The following MICALL2 variants were observed in gnomAD, a reference collection of about 807,000 sequenced individuals.
The protein encoded by MICALL2 is MICAL-like protein 2.
In MICALL2, 111 loss-of-function variants were observed where a neutral mutation model predicts 91.1. That is an observed-to-expected ratio of 1.22 (90% CI 1.04 to 1.43). The LOEUF (loss-of-function observed/expected upper bound fraction) is 1.43. Among genes scored for constraint, MICALL2 ranks in the 40% most tolerant of loss-of-function variants. MICALL2 has a pLI of 0.00. For missense variants in MICALL2, 1,556 were observed against 1,236.0 expected (o/e 1.26, Z -3.88); for synonymous variants, 694 against 525.3 (o/e 1.32, Z -4.39).
rs139705092 is a variant in MICALL2 at position 1,442,386 on chromosome 7, C to A, written c.1517G>T (p.Arg506Leu). Residue 506 changes from arginine to leucine, a missense_variant, in exon 7 of 17, where the codon CGG (arginine) becomes CTG (leucine). Physicochemically the swap from Arg to Leu is moderately radical, Grantham distance 102. Coordinates refer to ENST00000297508, the MANE Select transcript of MICALL2 (RefSeq NM_182924.4). The stretch of plus-strand genomic sequence containing the variant: ...CATCCTCGAAGGGAGGCCAAGCACC[C>A]GGGGAGACGAGGACTGTAACGGCTT... ...LAKPLQSSSPRVLGLPSRMEP... is the reference protein window; with the variant it reads ...LAKPLQSSSPLVLGLPSRMEP... The A allele has an allele frequency of 3.7e-6, 6 of 1,608,676 alleles. No homozygotes were observed. The highest frequency in any genetic ancestry group is 5.1e-6 in the Non-Finnish European group (6 of 1,177,006).
chr7:1,440,589 A>G lies in MICALL2; in HGVS notation c.1805+2T>C. 1 of 1,611,850 alleles carries G rather than the reference A, an allele frequency of 6.2e-7. No individual in the cohort carries two copies. Among genetic ancestry groups the G allele is most frequent in the Non-Finnish European group, 8.5e-7 (1 of 1,179,542 alleles). On this transcript the variant is annotated splice_donor_variant, in intron 8 of 16. Coordinates refer to ENST00000297508, the MANE Select transcript of MICALL2 (RefSeq NM_182924.4). LOFTEE classifies it high-confidence loss of function. ...CCTGGGCCAGCCCCACCCATCCCTA[A>G]CCTCTCAGCTGGGCTTCTCCTGTCC...
At position 1,450,278 on chromosome 7, in the gene MICALL2, C is replaced by G; in HGVS notation, c.154G>C (p.Ala52Pro). The change falls in exon 2 of 17, where the codon GCT becomes CCT. Residue 52 changes from alanine to proline, a missense_variant. Coordinates refer to ENST00000297508, the MANE Select transcript of MICALL2 (RefSeq NM_182924.4). ...TCATAAATATTTTCCTTCTTGAGAGCACTGAAGTTTCTGGAAGATAAAAAC... is the reference window on the plus strand; with the variant it reads ...TCATAAATATTTTCCTTCTTGAGAGGACTGAAGTTTCTGGAAGATAAAAAC... ...RHRPDLINFS[A>P]LKKENIYENN... is the part of the protein sequence containing the mutation. The G allele has an allele frequency of 6.2e-7, 1 of 1,613,036 alleles. No homozygotes were observed.
chr7:1,442,126 G>A (rs1780311233), intron 7 of MICALL2, 66 bp downstream of exon 7: 6 of 1,552,588 alleles, frequency 3.9e-6, no homozygotes, highest in South Asian at 2.3e-5. Flanking sequence ...ACTGCAGAGT[G>A]CGGCCAGGGG....
intron 1 of MICALL2, among the ~76,000 whole-genome samples, chr7:1,456,047 C>T (rs1255374226): frequency 6.6e-6 from 1 of 151,872 alleles, no homozygotes; most frequent in African/African-American, 2.4e-5. Context: ...CCCCAGCCAC[C>T]ACCTCATCCA....
At chr7:1,443,040 G>A (rs1040264771) in intron 6 of MICALL2, among the ~76,000 whole-genome samples, 2 of 151,900 alleles carry the variant, frequency 1.3e-5, no homozygotes, top group African/African-American at 4.8e-5. Context: ...CTGAGGTGGG[G>A]GCACCAGGTG....
chr7:1,448,459 C>G (rs985271633), intron 3 of MICALL2, among the ~76,000 whole-genome samples, 161 bp downstream of exon 3: 11 of 151,606 alleles, frequency 7.3e-5, no homozygotes, highest in African/African-American at 2.7e-4. Context: ...ACCAAGGCCT[C>G]TTGCTGCTTC....
chr7:1,440,339 C>T lies in MICALL2; in HGVS notation c.1805+252G>A, dbSNP rs944245695. ...CACGGGACCCACACATGGGGAGACT[C>T]CACCCCAGCTGCAGGCATGGTGCGT... is the stretch of plus-strand genomic sequence containing the variant. On this transcript the variant is annotated intron_variant, in intron 8 of 16. Transcript: ENST00000297508. 15 of 619,656 alleles carry T rather than the reference C, an allele frequency of 2.4e-5. No homozygotes were observed. In the African/African-American group the frequency reaches 2.8e-4, roughly 11 times the overall value. The allele number at this position is 619,656 out of a possible 1,614,324, so 38.4% of individuals were successfully genotyped here. A position where few individuals can be genotyped will look rare whatever the true frequency, so the allele number is the denominator to read the frequency against.
chr7:1,439,646 G>A lies in MICALL2; in HGVS notation c.1966+279C>T, dbSNP rs553097737. On this transcript the variant is annotated intron_variant, in intron 9 of 16. Transcript: ENST00000297508. ...GAACAGACACATGGACATGCATCAC[G>A]TGCACATGCATCACACACATGAACA... The A allele has an allele frequency of 2.7e-3, 976 of 365,560 alleles. 5 individuals carry two copies. The highest frequency in any genetic ancestry group is 0.015 in the African/African-American group (691 of 47,354). 22.6% of individuals were successfully genotyped at this position (365,560 alleles called of 1,614,324 possible).
chr7:1,458,329 C>T (rs894088938), intron 1 of MICALL2, among the ~76,000 whole-genome samples: 1 of 152,190 alleles, frequency 6.6e-6, no homozygotes, highest in African/African-American at 2.4e-5. Flanking sequence ...CGAGACCTTC[C>T]CACCAAAAAC....
At position 1,452,943 on chromosome 7, in the gene MICALL2, CG is replaced by C. The variant is rs1780888318; in HGVS notation, c.144-2656del. ...CCTCCAGACCATGGCTCCACTCTCC[CG>C]GCACAGAACAGCTTTTCCCACACTC... On this transcript the variant is annotated intron_variant, in intron 1 of 16. Coordinates refer to ENST00000297508, the MANE Select transcript of MICALL2 (RefSeq NM_182924.4). This position sits in a 1 kb window ranked among gnomAD's most constrained non-coding sequence, Gnocchi z 6.2. Among the ~76,000 whole-genome samples, 1 of 152,030 alleles carries C rather than the reference CG, an allele frequency of 6.6e-6. No individual in the cohort carries two copies. The highest frequency in any genetic ancestry group is 2.1e-4 in the South Asian group (1 of 4,818).
At chr7:1,450,389 C>T in intron 1 of MICALL2, 101 bp from the exon 2 acceptor site, 1 of 951,496 alleles carries the variant, frequency 1.1e-6, no homozygotes, top group East Asian at 2.4e-5. Flanking sequence ...AAACCGAGGC[C>T]AGGATGGGGG....
intron 2 of MICALL2, among the ~76,000 whole-genome samples, chr7:1,449,862 G>A (rs985716627): frequency 6.6e-6 from 1 of 152,248 alleles, no homozygotes; most frequent in Non-Finnish European, 1.5e-5. Context: ...CCCATGTGGT[G>A]GGAGTGGCAG....
rs199983192 is a variant in MICALL2, at chr7:1,440,063, G to A, written c.1828C>T (p.Arg610Trp). 2.5e-5 allele frequency: 40 copies of A among 1,587,410 alleles called. No homozygotes were observed. Among genetic ancestry groups the A allele is most frequent in the African/African-American group, 5.5e-5 (4 of 72,816 alleles). ...AERTLKPKEP[R>W]ALAEPRAGEA... is the part of the protein sequence containing the mutation. ...CCCGCCCTCGGCTCTGCCAGGGCCC[G>A]TGGTTCCTTGGGCTTCAGAGTCCTG... Residue 610 changes from arginine (R) to tryptophan (W), a missense_variant, in exon 9 of 17, where the codon CGG becomes TGG. Arg to Trp is a moderately radical substitution (Grantham distance 101). Transcript: ENST00000297508.
chr7:1,438,722 T>C (rs1780109797), intron 10 of MICALL2, 118 bp downstream of exon 10: 1 of 1,493,200 alleles, frequency 6.7e-7, no homozygotes, highest in Non-Finnish European at 8.9e-7. Context: ...TCCTCCAGGC[T>C]TTCCCTCCAT....
At chr7:1,447,179 A>C (rs1270751491) in intron 4 of MICALL2, among the ~76,000 whole-genome samples, 1 of 152,142 alleles carries the variant, frequency 6.6e-6, no homozygotes, top group Non-Finnish European at 1.5e-5. Flanking sequence ...AGGGGCTGCC[A>C]ACCACCAGAT....
intron 4 of MICALL2, 84 bp downstream of exon 4, chr7:1,447,491 G>C (rs1032053437): frequency 8.3e-6 from 7 of 847,754 alleles, no homozygotes; most frequent in Non-Finnish European, 1.1e-5. Flanking sequence ...GTGGCTTAGG[G>C]GCCGCACGTA....
At chr7:1,440,447 G>T in intron 8 of MICALL2, 144 bp downstream of exon 8, 1 of 754,886 alleles carries the variant, frequency 1.3e-6, no homozygotes, top group Non-Finnish European at 2.2e-6. Context: ...ATGTCCCTCA[G>T]GCAGGGGTGA....
rs2128522355 is a variant in MICALL2 at position 1,444,735 on chromosome 7, C to T, written c.1335G>A (p.Lys445=). ...TCCGCGCCTGCTCCTTGCTGCTGTC[C>T]TTGGATAGAACAAGTGACGGGGTGG... ...RGPTPSLVLS[K]DSSKEQARNF... The change falls in exon 6 of 17, where the codon AAG becomes AAA. Residue 445 remains lysine, a synonymous_variant. Coordinates refer to ENST00000297508, the MANE Select transcript of MICALL2 (RefSeq NM_182924.4). 2 of 1,612,470 alleles carry T rather than the reference C, an allele frequency of 1.2e-6. No homozygotes were observed. The highest frequency in any genetic ancestry group is 1.7e-6 in the Non-Finnish European group (2 of 1,179,850).
intron 5 of MICALL2, among the ~76,000 whole-genome samples, chr7:1,445,640 A>G (rs1479321269): frequency 1.3e-5 from 2 of 151,974 alleles, no homozygotes; most frequent in East Asian, 3.9e-4. Context: ...CATTCAACAA[A>G]CGCCTCTTCT....
Sources: allele counts gnomAD v4.1 joint callset (sites outside exome capture counted in the v4.1 genomes callset), GRCh38; gene constraint gnomAD v4.1.1; non-coding constraint Gnocchi (gnomAD v3.1); transcripts MANE v1.5; gene names NCBI Gene and HGNC (gene_info 2026-07-23, HGNC 2026-07-21).